The following UVSSA variants were observed in gnomAD, a reference collection of about 807,000 sequenced individuals.
UVSSA encodes UV-stimulated scaffold protein A.
UVSSA carries 72 observed loss-of-function variants against 73.9 expected under a neutral mutation model. That is an observed-to-expected ratio of 0.97 (90% CI 0.81 to 1.19). The LOEUF (loss-of-function observed/expected upper bound fraction) is 1.19. Ranked by LOEUF, UVSSA falls within the 50% of genes most tolerant of loss-of-function variation. The pLI is 0.00. For synonymous variants in UVSSA, 454 were observed against 391.3 expected (o/e 1.16, Z -1.89); for missense variants, 1,150 against 965.0 (o/e 1.19, Z -2.54).
At position 1,353,414 on chromosome 4, in the gene UVSSA, G is replaced by A. The variant is rs1351022597; in HGVS notation, c.934+1G>A. 2.0e-6 allele frequency: 3 copies of A among 1,521,846 alleles called. No homozygotes were observed. In the African/African-American group the frequency reaches 4.1e-5, roughly 21 times the overall value. The allele number at this position is 1,521,846 out of a possible 1,614,324, so 94.3% of individuals were successfully genotyped here. On this transcript the variant is annotated splice_donor_variant, in intron 5 of 13. Transcript: ENST00000389851. LOFTEE classifies it high-confidence loss of function. ...ACGCTGGATGTGGAGCTCTGCTCAGGTAACTGCCTTCGCGGGGTCTCTGTG... is the reference window on the plus strand; with the variant it reads ...ACGCTGGATGTGGAGCTCTGCTCAGATAACTGCCTTCGCGGGGTCTCTGTG...
chr4:1,380,143 T>C lies in UVSSA; in HGVS notation c.1665T>C (p.Thr555=). Reference sequence around the variant, plus strand: ...AGATGCTCCGGAGCCGCCACATCACTTTTGCCGGGAAGTTTGAGCCTGTGC... The same window carrying C: ...AGATGCTCCGGAGCCGCCACATCACCTTTGCCGGGAAGTTTGAGCCTGTGC... ...ISEMLRSRHI[T]FAGKFEPVQH... is the part of the protein sequence containing the mutation. The change falls in exon 11 of 14, where the codon ACT becomes ACC. Residue 555 remains threonine, a synonymous_variant. Coordinates refer to ENST00000389851, the MANE Select transcript of UVSSA (RefSeq NM_020894.4). 1.9e-6 allele frequency: 3 copies of C among 1,613,182 alleles called. No homozygotes were observed. The highest frequency in any genetic ancestry group is 2.5e-6 in the Non-Finnish European group (3 of 1,179,972).
chr4:1,375,941 G>A (rs1718709408), intron 9 of UVSSA, 93 bp from the exon 10 acceptor site: 12 of 1,521,370 alleles, frequency 7.9e-6, no homozygotes, highest in South Asian at 2.4e-5. Flanking sequence ...CCGACCCGAG[G>A]CCCCAGCCTT....
chr4:1,382,297 T>G (rs1719598361), intron 12 of UVSSA, among the ~76,000 whole-genome samples: 1 of 152,242 alleles, frequency 6.6e-6, no homozygotes, highest in Non-Finnish European at 1.5e-5. Context: ...CTTGGTGACT[T>G]GTTAACAAAC....
At chr4:1,364,192 C>T (rs367958313) in intron 7 of UVSSA, among the ~76,000 whole-genome samples, 1 of 19,074 alleles carries the variant, frequency 5.2e-5, no homozygotes, top group Non-Finnish European at 1.0e-4. Flanking sequence ...GGCCTGGCTC[C>T]GTGGGGGCCA....
intron 2 of UVSSA, among the ~76,000 whole-genome samples, chr4:1,348,526 A>C (rs886138085): frequency 4.6e-5 from 7 of 152,218 alleles, no homozygotes; most frequent in Non-Finnish European, 7.3e-5. Context: ...GAAGGGAAAG[A>C]ATAGAGCTTG....
chr4:1,369,842 T>C (rs1189533432), intron 8 of UVSSA, among the ~76,000 whole-genome samples: 1 of 152,182 alleles, frequency 6.6e-6, no homozygotes, highest in African/African-American at 2.4e-5. Flanking sequence ...AAAACAACTG[T>C]GGGAGTGAAT....
At chr4:1,344,192 A>C (rs933567864), upstream of UVSSA, among the ~76,000 whole-genome samples, 2 of 152,058 alleles carry the variant, frequency 1.3e-5, no homozygotes, top group Admixed American at 1.3e-4. Flanking sequence ...TTCTTTGTTT[A>C]TCCTGCTTGG....
At chr4:1,395,153 C>T in exon 14 of UVSSA, 1 of 1,209,970 alleles carries the variant, frequency 8.3e-7, no homozygotes, top group Non-Finnish European at 1.1e-6. Flanking sequence ...CACACGTGCC[C>T]ATGTGGAGTG....
At chr4:1,342,300 C>G (rs934495773), upstream of UVSSA, among the ~76,000 whole-genome samples, 1 of 152,210 alleles carries the variant, frequency 6.6e-6, no homozygotes, top group Non-Finnish European at 1.5e-5. Context: ...TGGGTGTGCA[C>G]TGGGGCCACA....
chr4:1,353,290 C>A lies in UVSSA; in HGVS notation c.811C>A (p.Gln271Lys). 2 of 1,611,186 alleles carry A rather than the reference C, an allele frequency of 1.2e-6. No individual in the cohort carries two copies. The highest frequency in any genetic ancestry group is 1.7e-6 in the Non-Finnish European group (2 of 1,179,840). The change falls in exon 5 of 14, where the codon CAG becomes AAG. Residue 271 changes from glutamine to lysine, a missense_variant. Transcript: ENST00000389851. The stretch of plus-strand genomic sequence containing the variant: ...CCACCCCAGAGCGGGCGGCGGGGCA[C>A]AGCCATCCCAGACAGCCACAGGTGA... ...AGHPRAGGGA[Q>K]PSQTATGDPS...
chr4:1,359,694 G>T (rs1322434339), intron 7 of UVSSA, among the ~76,000 whole-genome samples: 1 of 152,036 alleles, frequency 6.6e-6, no homozygotes, highest in Non-Finnish European at 1.5e-5. Flanking sequence ...ATCCTCCATT[G>T]CCCACAGAAC....
At chr4:1,344,139 T>A (rs571746854), upstream of UVSSA, among the ~76,000 whole-genome samples, 18 of 152,200 alleles carry the variant, frequency 1.2e-4, no homozygotes, top group Non-Finnish European at 2.1e-4. Flanking sequence ...CTTCTAAGAT[T>A]TGTCACTAGT....
At chr4:1,385,400 T>C (rs1400981336) in intron 13 of UVSSA, 2 of 206,746 alleles carry the variant, frequency 9.7e-6, no homozygotes, top group African/African-American at 2.3e-5. Flanking sequence ...CTCCCCGGAA[T>C]GCCTGCCTGG....
intron 5 of UVSSA, chr4:1,354,463 C>T: frequency 2.0e-6 from 1 of 488,318 alleles, no homozygotes; most frequent in South Asian, 2.2e-5. Flanking sequence ...GTCTCGCCCT[C>T]CAGATGGGAT....
intron 5 of UVSSA, among the ~76,000 whole-genome samples, chr4:1,354,014 C>T (rs1162356718): frequency 6.6e-6 from 1 of 152,182 alleles, no homozygotes; most frequent in Non-Finnish European, 1.5e-5. Context: ...GGCTGGGGCC[C>T]TTTGCGTATG....
intron 2 of UVSSA, among the ~76,000 whole-genome samples, chr4:1,348,941 G>T (rs1714171505): frequency 6.6e-6 from 1 of 152,186 alleles, no homozygotes; most frequent in East Asian, 1.9e-4. Context: ...AGCTGAAACA[G>T]TGTGCGTGCT....
At chr4:1,378,358 G>C (rs1160470930) in intron 10 of UVSSA, among the ~76,000 whole-genome samples, 7 of 152,210 alleles carry the variant, frequency 4.6e-5, no homozygotes, top group Non-Finnish European at 8.8e-5. Context: ...TTCGAGACCA[G>C]CCTGGCCAAC....
At chr4:1,354,214 G>A (rs1213088938) in intron 5 of UVSSA, among the ~76,000 whole-genome samples, 1 of 152,226 alleles carries the variant, frequency 6.6e-6, no homozygotes, top group Non-Finnish European at 1.5e-5. Context: ...CACCGCTGCT[G>A]CAAGCCTGGG....
chr4:1,378,852 GGCTTTGCCCGAGAC>G (rs1213809765), intron 10 of UVSSA, among the ~76,000 whole-genome samples: 1 of 152,234 alleles, frequency 6.6e-6, no homozygotes, highest in Non-Finnish European at 1.5e-5. Context: ...AGCCCACCAG[GGCTTTGCCCGAGAC>G]GCCTCTGCCT....
Sources: gnomAD v4.1 joint callset for allele counts (sites outside exome capture counted in the v4.1 genomes callset) on GRCh38, gnomAD v4.1.1 for gene constraint, MANE v1.5 for transcripts, NCBI Gene and HGNC (gene_info 2026-07-23, HGNC 2026-07-21) for gene names.